ABCB5: variants seen among roughly 807,000 people sequenced by gnomAD.
ABCB5 encodes the protein ATP binding cassette subfamily B member 5.
ABCB5 carries 155 observed loss-of-function variants against 144.2 expected under a neutral mutation model. The ratio of observed to expected loss-of-function variants is 1.08; its 90% CI spans 0.94 to 1.23. The LOEUF (loss-of-function observed/expected upper bound fraction) is 1.23. Among genes scored for constraint, ABCB5 ranks in the 50% most tolerant of loss-of-function variants. ABCB5 has a pLI of 0.00. For missense variants in ABCB5, 1,830 were observed against 1,520.8 expected, an observed-to-expected ratio of 1.20 and a Z score of -3.38; for synonymous variants, 610 against 528.6, an observed-to-expected ratio of 1.15 and a Z score of -2.11.
chr7:20,711,116 T>C (rs1161915598), intron 20 of ABCB5, among the ~76,000 whole-genome samples: 1 of 146,958 alleles, frequency 6.8e-6, no homozygotes, highest in Non-Finnish European at 1.5e-5. Context: ...TCATACAGTC[T>C]CCTTCTATAT....
chr7:20,738,390 A>G (rs1782456634), intron 23 of ABCB5, among the ~76,000 whole-genome samples: 1 of 152,232 alleles, frequency 6.6e-6, no homozygotes, highest in African/African-American at 2.4e-5. Context: ...AACTGAGATC[A>G]TAATCAATAA....
chr7:20,647,550 A>T lies in ABCB5; in HGVS notation c.997A>T (p.Ile333Phe), dbSNP rs771816493. Residue 333 changes from isoleucine (I) to phenylalanine (F), a missense_variant, in exon 10 of 28, where the codon ATC becomes TTC. By Grantham distance (21) the Ile-to-Phe change is conservative (BLOSUM62 0). Transcript: ENST00000404938. ...GTVLAVFFSV[I>F]HSSYCIGAAV... is the part of the protein sequence containing the mutation. Reference sequence around the variant, plus strand: ...GTTCCTGTAGGTTTTCTTTAGTGTAATCCATAGCAGTTATTGCATTGGAGC... The same window carrying T: ...GTTCCTGTAGGTTTTCTTTAGTGTATTCCATAGCAGTTATTGCATTGGAGC... 120 of 1,578,314 alleles carry T rather than the reference A, an allele frequency of 7.6e-5. No individual in the cohort carries two copies. The highest frequency in any genetic ancestry group is 1.0e-4 in the Non-Finnish European group (120 of 1,161,600).
In ABCB5 at chr7:20,720,943, C is replaced by CAAAA. The variant is rs71020677; in HGVS notation, c.2422-2052_2422-2049dup. ...TGGGCGACAGAGCGAAACTCTGCCT[C>CAAAA]AAAAAAAAAAAAAAAAAAAAAAAAG... On this transcript the variant is annotated intron_variant, in intron 20 of 27. Coordinates refer to ENST00000404938, the MANE Select transcript of ABCB5 (RefSeq NM_001163941.2). 3.0e-3 allele frequency among the ~76,000 whole-genome samples: 209 copies of CAAAA among 70,626 alleles called. 1 individual carries two copies. Among genetic ancestry groups the CAAAA allele is most frequent in the East Asian group, 5.7e-3 (10 of 1,766 alleles). The allele number at this position is 70,626 out of a possible 152,430, so 46.3% of individuals were successfully genotyped here.
intron 24 of ABCB5, among the ~76,000 whole-genome samples, chr7:20,740,566 A>G (rs1167265604): frequency 1.3e-5 from 2 of 152,174 alleles, no homozygotes; most frequent in Non-Finnish European, 2.9e-5. Flanking sequence ...TGTATTTTGG[A>G]AAGTAAAGGA....
intron 14 of ABCB5, chr7:20,660,059 T>A: frequency 1.0e-6 from 1 of 985,492 alleles, no homozygotes; most frequent in Non-Finnish European, 1.2e-6. Context: ...GTGCCCGCAG[T>A]ATTTTCATCC....
intron 20 of ABCB5, among the ~76,000 whole-genome samples, chr7:20,708,993 C>CA (rs1289663578): frequency 1.3e-5 from 2 of 152,128 alleles, no homozygotes; most frequent in East Asian, 1.9e-4. Flanking sequence ...GTTGGCTCCT[C>CA]AAAAAACCAG....
intron 21 of ABCB5, among the ~76,000 whole-genome samples, chr7:20,724,802 G>A (rs183425766): frequency 6.6e-6 from 1 of 152,058 alleles, no homozygotes; most frequent in Non-Finnish European, 1.5e-5. Flanking sequence ...TTCATGAATA[G>A]GGATGCCAAG....
Position 20,676,167 on chromosome 7 carries a change from TACACACACAC to T in ABCB5, c.1708-5314_1708-5305del, listed in dbSNP as rs60855145. Among the ~76,000 whole-genome samples the T allele has an allele frequency of 3.1e-4, 39 of 124,600 alleles. 1 individual carries two copies. In the East Asian group the frequency reaches 3.9e-3, roughly 12 times the overall value. 81.7% of individuals were successfully genotyped at this position (124,600 alleles called of 152,430 possible). On this transcript the variant is annotated intron_variant, in intron 14 of 27. Coordinates refer to ENST00000404938, the MANE Select transcript of ABCB5 (RefSeq NM_001163941.2). Reference sequence around the variant, plus strand: ...TGTGACCCAGCAATTCTACTACACATACACACACACACACACACACACACACACACACATA... The same window carrying T: ...TGTGACCCAGCAATTCTACTACACATACACACACACACACACACACACATA...
intron 18 of ABCB5, 37 bp downstream of exon 18, chr7:20,699,966 T>G: frequency 6.2e-7 from 1 of 1,600,090 alleles, no homozygotes; most frequent in Non-Finnish European, 8.6e-7. Context: ...CATGATTACT[T>G]TTTGTTGCCA....
Position 20,647,778 on chromosome 7 carries a change from G to A in ABCB5, c.1095+130G>A, listed in dbSNP as rs1043511148. 14 of 1,384,806 alleles carry A rather than the reference G, an allele frequency of 1.0e-5. No homozygotes were observed. The South Asian group carries it at 1.1e-4, about 11-fold the overall frequency. 85.8% of individuals were successfully genotyped at this position (1,384,806 alleles called of 1,614,324 possible). On this transcript the variant is annotated intron_variant, in intron 10 of 27. Transcript: ENST00000404938. Reference sequence around the variant, plus strand: ...ATGTTGGCCAGTTGTTTATGGGAAAGAGAGACTGCCTTTAATTCTTTTCTA... The same window carrying A: ...ATGTTGGCCAGTTGTTTATGGGAAAAAGAGACTGCCTTTAATTCTTTTCTA...
chr7:20,689,895 C>A (rs1339188221), intron 16 of ABCB5, among the ~76,000 whole-genome samples: 3 of 152,152 alleles, frequency 2.0e-5, no homozygotes, highest in Non-Finnish European at 4.4e-5. Flanking sequence ...GACAGGGGCA[C>A]AGCAAGCATG....
At chr7:20,693,101 C>T (rs916774938) in intron 16 of ABCB5, among the ~76,000 whole-genome samples, 2 of 151,942 alleles carry the variant, frequency 1.3e-5, no homozygotes, top group Non-Finnish European at 2.9e-5. Context: ...AAACATTTAC[C>T]AAAATAGACC....
chr7:20,665,768 G>GATAGACAGAGATAC (rs1562549609), intron 14 of ABCB5, among the ~76,000 whole-genome samples: 1 of 125,432 alleles, frequency 8.0e-6, no homozygotes, highest in African/African-American at 3.2e-5. Flanking sequence ...GATAGATAGA[G>GATAGACAGAGATAC]ATACATACAT....
chr7:20,756,155 A>G lies in ABCB5; in HGVS notation c.*531A>G, dbSNP rs973759579. 2.0e-5 allele frequency: 3 copies of G among 152,704 alleles called. No homozygotes were observed. Among genetic ancestry groups the G allele is most frequent in the African/African-American group, 4.8e-5 (2 of 41,404 alleles). 9.5% of individuals were successfully genotyped at this position (152,704 alleles called of 1,614,324 possible). A position where few individuals can be genotyped will look rare whatever the true frequency, so the allele number is the denominator to read the frequency against. On this transcript the variant is annotated 3_prime_UTR_variant, in exon 28 of 28. Coordinates refer to ENST00000404938, the MANE Select transcript of ABCB5 (RefSeq NM_001163941.2). ...TCACTATTTCTCTAAATTTTATTCT[A>G]TTTTTTTGTTGAGCAGGGAATAGAA...
chr7:20,681,822 TCA>T (rs1785840196), intron 15 of ABCB5, among the ~76,000 whole-genome samples, 156 bp downstream of exon 15: 1 of 152,176 alleles, frequency 6.6e-6, no homozygotes, highest in Admixed American at 6.5e-5. Flanking sequence ...TTTCAAATCC[TCA>T]GTGTTGTGCT....
At chr7:20,701,086 A>T (rs988277231) in intron 19 of ABCB5, among the ~76,000 whole-genome samples, 13 of 152,092 alleles carry the variant, frequency 8.5e-5, no homozygotes, top group Non-Finnish European at 1.6e-4. Flanking sequence ...GTGACCTTAC[A>T]CCTTCTGTGC....
intron 13 of ABCB5, among the ~76,000 whole-genome samples, chr7:20,654,386 T>C (rs1286016888): frequency 2.0e-5 from 3 of 152,088 alleles, no homozygotes; most frequent in African/African-American, 7.2e-5. Flanking sequence ...AACTGATACA[T>C]CTGAAAGGAG....
intron 16 of ABCB5, among the ~76,000 whole-genome samples, chr7:20,689,585 G>A (rs150869451): frequency 6.6e-6 from 1 of 152,098 alleles, no homozygotes; most frequent in South Asian, 2.1e-4. Flanking sequence ...TAAGCCAAGA[G>A]CTAGAGAAAG....
At chr7:20,625,059 A>C (rs946111322) in intron 2 of ABCB5, among the ~76,000 whole-genome samples, 2 of 152,222 alleles carry the variant, frequency 1.3e-5, no homozygotes, top group Admixed American at 1.3e-4. Context: ...CCCTGAAACA[A>C]CTTTTATCAA....
Sources: gnomAD v4.1 joint callset for allele counts (sites outside exome capture counted in the v4.1 genomes callset) on GRCh38, gnomAD v4.1.1 for gene constraint, MANE v1.5 for transcripts, NCBI Gene and HGNC (gene_info 2026-07-23, HGNC 2026-07-21) for gene names.